SP140: variants seen among roughly 807,000 people sequenced by gnomAD.
The protein encoded by SP140 is nuclear body protein SP140.
A neutral mutation model predicts 125.0 loss-of-function variants in SP140; 81 were observed. The observed-to-expected ratio is 0.65, with a 90% confidence interval of 0.54 to 0.78. The LOEUF (loss-of-function observed/expected upper bound fraction) is 0.78, where lower values mean the gene tolerates loss of function less well. Ranked by LOEUF, SP140 falls within the 30% of genes least tolerant of loss-of-function variation. The pLI, the probability that SP140 is intolerant of heterozygous loss-of-function variation, is 0.00. For synonymous variants in SP140, 312 were observed against 354.0 expected (o/e 0.88, Z 1.33); for missense variants, 858 against 1,037.0 (o/e 0.83, Z 2.37).
At chr2:230,311,999 T>C (rs2059370384) in intron 26 of SP140, among the ~76,000 whole-genome samples, 1 of 152,174 alleles carries the variant, frequency 6.6e-6, no homozygotes, top group South Asian at 2.1e-4. Flanking sequence ...CCAACAAGGA[T>C]TGCCAGCAAG....
chr2:230,216,656 T>C, intron 3 of SP140: 1 of 1,163,850 alleles, frequency 8.6e-7, no homozygotes, highest in Non-Finnish European at 1.3e-6. Context: ...CCTTCTGTGA[T>C]AATGAACATG....
rs967761009 is a variant in SP140 at position 230,228,195 on chromosome 2, T to C, written c.59+2292T>C. ...CTCTTTTGGTTAATCTGGAAATATTTTGGAATTTTCCAGCTATTTTTCTGT... is the reference window on the plus strand; with the variant it reads ...CTCTTTTGGTTAATCTGGAAATATTCTGGAATTTTCCAGCTATTTTTCTGT... On this transcript the variant is annotated intron_variant, in intron 1 of 26. Coordinates refer to ENST00000392045, the MANE Select transcript of SP140 (RefSeq NM_007237.5). 7.2e-5 allele frequency among the ~76,000 whole-genome samples: 11 copies of C among 152,356 alleles called. No individual in the cohort carries two copies. The East Asian group carries it at 2.1e-3, about 29-fold the overall frequency.
rs2053688027 is a variant in SP140, at chr2:230,270,011, A to C, written c.1444+58A>C. ...GGCTCAGTGGGCCCCACAGACCCCC[A>C]GTAGGGTGGAGGTAGGTGCTCCAGT... On this transcript the variant is annotated intron_variant, in intron 14 of 26. Coordinates refer to ENST00000392045, the MANE Select transcript of SP140 (RefSeq NM_007237.5). 6 of 1,096,962 alleles carry C rather than the reference A, an allele frequency of 5.5e-6. No homozygotes were observed. In the East Asian group the frequency reaches 1.4e-4, roughly 26 times the overall value. 68.0% of individuals were successfully genotyped at this position (1,096,962 alleles called of 1,614,324 possible).
chr2:230,312,590 A>G lies in SP140; in HGVS notation c.2510A>G (p.Lys837Arg). The change falls in exon 27 of 27, where the codon AAG becomes AGG. Residue 837 changes from lysine (K) to arginine (R), a missense_variant. Transcript: ENST00000392045. Reference protein sequence around the residue: ...FQNHRASYKYKDFGQMGFRLE... With the variant: ...FQNHRASYKYRDFGQMGFRLE... Reference sequence around the variant, plus strand: ...TTGTCTTTATTATTTTTTCAGTACAAGGATTTTGGCCAAATGGGATTTAGA... The same window carrying G: ...TTGTCTTTATTATTTTTTCAGTACAGGGATTTTGGCCAAATGGGATTTAGA... The G allele has an allele frequency of 1.2e-6, 2 of 1,606,012 alleles. No individual in the cohort carries two copies. Among genetic ancestry groups the G allele is most frequent in the South Asian group, 2.2e-5 (2 of 90,584 alleles).
upstream of SP140, chr2:230,225,427 C>G: frequency 6.3e-6 from 2 of 314,978 alleles, no homozygotes; most frequent in South Asian, 2.6e-5. Context: ...AGCCCTGGAG[C>G]CTGACTGAAG....
At chr2:230,304,256 A>T (rs961403768) in intron 22 of SP140, among the ~76,000 whole-genome samples, 1 of 152,234 alleles carries the variant, frequency 6.6e-6, no homozygotes, top group Admixed American at 6.5e-5. Flanking sequence ...ATCACAGATG[A>T]CACAAACAAA....
chr2:230,235,379 C>T (rs2047821728), intron 1 of SP140, among the ~76,000 whole-genome samples: 1 of 152,188 alleles, frequency 6.6e-6, no homozygotes, highest in Admixed American at 6.5e-5. Flanking sequence ...ATTCCTTTCT[C>T]TTCATCATTG....
At chr2:230,260,810 T>C (rs2052105937) in intron 12 of SP140, among the ~76,000 whole-genome samples, 1 of 152,282 alleles carries the variant, frequency 6.6e-6, no homozygotes, top group Admixed American at 6.5e-5. Context: ...CGTCTATTTT[T>C]GTACCAGTAC....
At chr2:230,223,863 C>T (rs1257183984), upstream of SP140, among the ~76,000 whole-genome samples, 1 of 152,096 alleles carries the variant, frequency 6.6e-6, no homozygotes, top group Non-Finnish European at 1.5e-5. Flanking sequence ...ATTGATTTAC[C>T]TTTGGGGATT....
rs115117330 is a variant in SP140 at position 230,309,708 on chromosome 2, T to G, written c.2059-216T>G. Among the ~76,000 whole-genome samples the G allele has an allele frequency of 7.6e-3, 1,163 of 152,344 alleles. 10 individuals carry two copies. Among genetic ancestry groups the G allele is most frequent in the South Asian group, 0.022 (106 of 4,826 alleles). On this transcript the variant is annotated intron_variant, in intron 22 of 26. Transcript: ENST00000392045. Reference sequence around the variant, plus strand: ...CAATCTCTGGTTTCATAAGGAAGACTTTTCAATTCTGACCCATACCCCTTC... The same window carrying G: ...CAATCTCTGGTTTCATAAGGAAGACGTTTCAATTCTGACCCATACCCCTTC...
chr2:230,220,017 C>CGA, intron 3 of SP140: 1 of 985,524 alleles, frequency 1.0e-6, no homozygotes, highest in Non-Finnish European at 1.2e-6. Context: ...GCCGGGCTTC[C>CGA]GAGAAAAGAA....
chr2:230,238,915 G>C (rs748233630), intron 3 of SP140: 1 of 1,549,094 alleles, frequency 6.5e-7, no homozygotes, highest in Non-Finnish European at 8.7e-7. Context: ...GGGCCTTTCC[G>C]AACCATGTGG....
intron 12 of SP140, among the ~76,000 whole-genome samples, chr2:230,257,139 C>T (rs2051350315): frequency 6.6e-6 from 1 of 151,826 alleles, no homozygotes; most frequent in Admixed American, 6.6e-5. Flanking sequence ...AATGTGGATG[C>T]CCAAAGGGTT....
intron 18 of SP140, among the ~76,000 whole-genome samples, chr2:230,289,814 C>A (rs1236424543): frequency 6.6e-6 from 1 of 152,176 alleles, no homozygotes; most frequent in Non-Finnish European, 1.5e-5. Flanking sequence ...ACTGCTCACC[C>A]TCCTGGAGTT....
intron 7 of SP140, among the ~76,000 whole-genome samples, chr2:230,246,371 TA>T (rs994950631): frequency 1.3e-5 from 2 of 152,212 alleles, no homozygotes; most frequent in Non-Finnish European, 2.9e-5. Flanking sequence ...ATCCAAATAT[TA>T]CCACGTTGGG....
chr2:230,316,166 T>G (rs1169363184), downstream of SP140, among the ~76,000 whole-genome samples: 1 of 152,180 alleles, frequency 6.6e-6, no homozygotes, highest in East Asian at 1.9e-4. Context: ...GCCTGATAAG[T>G]GAGAAATATA....
rs1437562719 is a variant in SP140, at chr2:230,237,012, A to AAAATCTTCT, written c.60-68_60-60dup. ...TCTCCATTGGCCATCCTTCATGTCT[A>AAAATCTTCT]AAATCTTCTAACCACCACAAACCTC... On this transcript the variant is annotated intron_variant, in intron 1 of 26. Transcript: ENST00000392045. This position sits in a 1 kb window ranked among gnomAD's most constrained non-coding sequence, Gnocchi z 5.4. The AAAATCTTCT allele has an allele frequency of 1.5e-6, 2 of 1,292,324 alleles. No individual in the cohort carries two copies. The highest frequency in any genetic ancestry group is 2.1e-6 in the Non-Finnish European group (2 of 956,190). The allele number at this position is 1,292,324 out of a possible 1,614,324, so 80.1% of individuals were successfully genotyped here.
chr2:230,221,910 A>T, upstream of SP140: 1 of 623,806 alleles, frequency 1.6e-6, no homozygotes, highest in Non-Finnish European at 2.9e-6. Flanking sequence ...GCGAATGAGG[A>T]TGAAAGATGT....
At chr2:230,202,804 T>C (rs2043313143), upstream of SP140, 3 of 1,367,830 alleles carry the variant, frequency 2.2e-6, no homozygotes, top group Non-Finnish European at 3.1e-6. Context: ...ATCAGTGACT[T>C]CCCTTCTCAT....
Sources: gnomAD v4.1 joint callset for allele counts (sites outside exome capture counted in the v4.1 genomes callset) on GRCh38, gnomAD v4.1.1 for gene constraint, Gnocchi (gnomAD v3.1) non-coding constraint, MANE v1.5 for transcripts, NCBI Gene and HGNC (gene_info 2026-07-23, HGNC 2026-07-21) for gene names.